Variants in CACNA1E observed in about 807,000 individuals in gnomAD.
CACNA1E encodes the protein voltage-dependent R-type calcium channel subunit alpha-1E.
CACNA1E carries 40 observed loss-of-function variants against 259.2 expected under a neutral mutation model. The ratio of observed to expected loss-of-function variants is 0.15; its 90% CI spans 0.12 to 0.20. The LOEUF is 0.20. CACNA1E is among the 10% of genes least tolerant of loss of function. CACNA1E has a pLI of 1.00. For missense variants in CACNA1E, 1,874 were observed against 3,040.1 expected (o/e 0.62, Z 9.02); for synonymous variants, 1,104 against 1,138.5 (o/e 0.97, Z 0.61).
chr1:181,773,121 C>T (rs1170163911), intron 37 of CACNA1E, among the ~76,000 whole-genome samples: 2 of 152,208 alleles, frequency 1.3e-5, no homozygotes, highest in African/African-American at 2.4e-5. Context: ...CATGGCCATG[C>T]ATCAAAAAGT....
chr1:181,399,594 T>C (rs1656941858), intron 1 of CACNA1E, among the ~76,000 whole-genome samples: 1 of 152,166 alleles, frequency 6.6e-6, no homozygotes, highest in South Asian at 2.1e-4. Context: ...ACGGAGGTGT[T>C]CAAAGACTGA....
intron 39 of CACNA1E, 95 bp from the exon 40 acceptor site, chr1:181,783,584 T>C: frequency 3.0e-6 from 2 of 673,912 alleles, no homozygotes; most frequent in South Asian, 1.9e-5. Context: ...TTTTCGTCTG[T>C]GCATTTGACC....
rs1035374071 is a variant in CACNA1E at position 181,802,298 on chromosome 1, G to A, written c.*3464G>A. ...ATTCAATGTCTCCATAGGGCACTGA[G>A]ATCACCAAGAACATTACCCAGAAGC... On this transcript the variant is annotated 3_prime_UTR_variant, in exon 48 of 48. Coordinates refer to ENST00000367573, the MANE Select transcript of CACNA1E (RefSeq NM_001205293.3). 2.0e-5 allele frequency: 3 copies of A among 152,184 alleles called. No individual in the cohort carries two copies. Among genetic ancestry groups the A allele is most frequent in the African/African-American group, 7.2e-5 (3 of 41,432 alleles). 9.4% of individuals were successfully genotyped at this position (152,184 alleles called of 1,614,324 possible).
At chr1:181,326,623 C>A (rs1210966406) in intron 1 of CACNA1E, among the ~76,000 whole-genome samples, 5 of 152,188 alleles carry the variant, frequency 3.3e-5, no homozygotes. Context: ...CCTCCCTTTG[C>A]CTTGGCCACC....
At chr1:181,643,120 G>A (rs182683468) in intron 6 of CACNA1E, among the ~76,000 whole-genome samples, 40 of 152,004 alleles carry the variant, frequency 2.6e-4, no homozygotes, top group Non-Finnish European at 5.0e-4. Context: ...TTTTATTTTG[G>A]AGAAAGACCC....
intron 6 of CACNA1E, among the ~76,000 whole-genome samples, chr1:181,589,861 G>A (rs1306251645): frequency 6.6e-6 from 1 of 152,148 alleles, no homozygotes; most frequent in Non-Finnish European, 1.5e-5. Context: ...CACATCAAAG[G>A]CATCATTTAC....
chr1:181,522,947 T>A (rs2102684357), intron 3 of CACNA1E, among the ~76,000 whole-genome samples: 1 of 152,364 alleles, frequency 6.6e-6, no homozygotes, highest in Admixed American at 6.5e-5. Context: ...GTTGTCCTTT[T>A]CTTAGTCTCC....
At chr1:181,571,865 G>A (rs1166480186) in intron 3 of CACNA1E, among the ~76,000 whole-genome samples, 1 of 152,070 alleles carries the variant, frequency 6.6e-6, no homozygotes, top group Admixed American at 6.6e-5. Flanking sequence ...TTTTTTCTAG[G>A]GCTGGGACAA....
At position 181,798,235 on chromosome 1, in the gene CACNA1E, G is replaced by A; in HGVS notation, c.6400-57G>A. On this transcript the variant is annotated intron_variant, in intron 47 of 47. Transcript: ENST00000367573. This position sits in a 1 kb window ranked among gnomAD's most constrained non-coding sequence, Gnocchi z 4.2. Reference sequence around the variant, plus strand: ...TTCCAAGGACTCTCTTAACAGAGTTGCAAGTAGGGATCATGCCAAGCCCAA... The same window carrying A: ...TTCCAAGGACTCTCTTAACAGAGTTACAAGTAGGGATCATGCCAAGCCCAA... 1 of 1,398,372 alleles carries A rather than the reference G, an allele frequency of 7.2e-7. No individual in the cohort carries two copies. The highest frequency in any genetic ancestry group is 1.3e-5 in the South Asian group (1 of 76,834). 86.6% of individuals were successfully genotyped at this position (1,398,372 alleles called of 1,614,324 possible). A position where few individuals can be genotyped will look rare whatever the true frequency, so the allele number is the denominator to read the frequency against.
intron 3 of CACNA1E, among the ~76,000 whole-genome samples, chr1:181,524,893 G>C (rs1365245935): frequency 6.6e-6 from 1 of 152,112 alleles, no homozygotes; most frequent in Non-Finnish European, 1.5e-5. Flanking sequence ...GGACAGTAAT[G>C]ATCTCTTCAT....
At chr1:181,539,210 C>G (rs558249646) in intron 3 of CACNA1E, among the ~76,000 whole-genome samples, 1 of 152,216 alleles carries the variant, frequency 6.6e-6, no homozygotes, top group Non-Finnish European at 1.5e-5. Flanking sequence ...TGACTAGGCT[C>G]ACCCTAAACT....
intron 34 of CACNA1E, 81 bp from the exon 35 acceptor site, chr1:181,766,465 C>A: frequency 2.1e-6 from 2 of 966,788 alleles, no homozygotes; most frequent in South Asian, 1.3e-5. Context: ...AGGCAAGATC[C>A]TGTACTGCCG....
chr1:181,794,821 G>A (rs752608753), intron 45 of CACNA1E, 43 bp from the exon 46 acceptor site: 49 of 1,550,810 alleles, frequency 3.2e-5, no homozygotes, highest in East Asian at 1.4e-4. Flanking sequence ...CTTTTCAATC[G>A]TTAATCCATA....
chr1:181,573,675 G>T (rs943522286), intron 3 of CACNA1E, among the ~76,000 whole-genome samples: 3 of 152,216 alleles, frequency 2.0e-5, no homozygotes, highest in Non-Finnish European at 4.4e-5. Flanking sequence ...TACACTGTTG[G>T]TGGGAATGTA....
chr1:181,517,669 G>T (rs1572081143), intron 3 of CACNA1E, among the ~76,000 whole-genome samples: 1 of 151,956 alleles, frequency 6.6e-6, no homozygotes, highest in East Asian at 1.9e-4. Flanking sequence ...CAGTAAAGCT[G>T]GGAGCTGCCG....
At chr1:181,397,821 G>C (rs114427886) in intron 1 of CACNA1E, among the ~76,000 whole-genome samples, 2 of 152,100 alleles carry the variant, frequency 1.3e-5, no homozygotes, top group Admixed American at 1.3e-4. Context: ...ACTCCAGTCA[G>C]TTCTCATTGG....
chr1:181,705,985 A>T (rs1475879931), intron 7 of CACNA1E, among the ~76,000 whole-genome samples: 1 of 150,902 alleles, frequency 6.6e-6, no homozygotes, highest in Non-Finnish European at 1.5e-5. Flanking sequence ...GGAATTCTGA[A>T]ATCTAGATGC....
intron 1 of CACNA1E, among the ~76,000 whole-genome samples, chr1:181,502,579 TC>T (rs1488736471): frequency 6.6e-6 from 1 of 152,232 alleles, no homozygotes; most frequent in African/African-American, 2.4e-5. Context: ...CTCTTGGCTC[TC>T]CATCTTTTTA....
intron 1 of CACNA1E, among the ~76,000 whole-genome samples, chr1:181,486,114 G>A (rs981054439): frequency 1.2e-4 from 19 of 152,238 alleles, no homozygotes; most frequent in African/African-American, 3.9e-4. Context: ...CGTTGCGAGC[G>A]CGCAAGGTGC....
Sources: allele counts gnomAD v4.1 joint callset (sites outside exome capture counted in the v4.1 genomes callset), GRCh38; gene constraint gnomAD v4.1.1; non-coding constraint Gnocchi (gnomAD v3.1); transcripts MANE v1.5; gene names NCBI Gene and HGNC (gene_info 2026-07-23, HGNC 2026-07-21).